UBR1: variants seen among roughly 807,000 people sequenced by gnomAD.
UBR1 encodes E3 ubiquitin-protein ligase UBR1.
A neutral mutation model predicts 242.1 loss-of-function variants in UBR1; 102 were observed. That is an observed-to-expected ratio of 0.42 (90% CI 0.36 to 0.50). The LOEUF (loss-of-function observed/expected upper bound fraction) is 0.50, where lower values mean the gene tolerates loss of function less well. Among genes scored for constraint, UBR1 ranks in the 20% least tolerant of loss-of-function variants. UBR1 has a pLI of 0.01. For synonymous variants in UBR1, 675 were observed against 684.8 expected (o/e 0.99, Z 0.22); for missense variants, 1,772 against 2,101.8 (o/e 0.84, Z 3.07).
At chr15:43,005,412 T>G (rs59206702) in intron 30 of UBR1, among the ~76,000 whole-genome samples, 420 of 8,304 alleles carry the variant, frequency 0.051, no homozygotes, top group Middle Eastern at 0.083. Flanking sequence ...CGCCCTGTCT[T>G]GGAGGGAGGT....
In UBR1 at chr15:42,980,179, CTT is replaced by C. The variant is rs2032353914; in HGVS notation, c.4151-2234_4151-2233del. On this transcript the variant is annotated intron_variant, in intron 37 of 46. Coordinates refer to ENST00000290650, the MANE Select transcript of UBR1 (RefSeq NM_174916.3). ...TCATCTTTTCAGCCAAAAGAATACT[CTT>C]TGTGTCATCAAATTTTTCTTACAGG... Among the ~76,000 whole-genome samples, 4 of 152,186 alleles carry C rather than the reference CTT, an allele frequency of 2.6e-5. No individual in the cohort carries two copies. In the South Asian group the frequency reaches 6.2e-4, roughly 24 times the overall value.
intron 12 of UBR1, among the ~76,000 whole-genome samples, 165 bp from the exon 13 acceptor site, chr15:43,048,656 T>C (rs759974160): frequency 2.0e-5 from 3 of 152,226 alleles, no homozygotes; most frequent in Admixed American, 6.5e-5. Context: ...TGCCTTATTT[T>C]AAATACAACC....
At chr15:43,065,599 C>A (rs1222776687) in intron 6 of UBR1, among the ~76,000 whole-genome samples, 2 of 152,196 alleles carry the variant, frequency 1.3e-5, no homozygotes, top group Non-Finnish European at 2.9e-5. Flanking sequence ...TAAATGACAG[C>A]ATGCAGTGTT....
intron 30 of UBR1, among the ~76,000 whole-genome samples, chr15:43,006,336 A>G (rs1295403066): frequency 6.6e-6 from 1 of 152,206 alleles, no homozygotes; most frequent in Non-Finnish European, 1.5e-5. Flanking sequence ...TTTTCAATAA[A>G]TGCTAGTCTT....
chr15:42,959,693 CT>C (rs1465561273), intron 43 of UBR1, among the ~76,000 whole-genome samples: 5 of 152,138 alleles, frequency 3.3e-5, no homozygotes, highest in Non-Finnish European at 5.9e-5. Context: ...TTAAACTTTT[CT>C]TTTTTCTCTA....
intron 4 of UBR1, among the ~76,000 whole-genome samples, chr15:43,073,038 A>G (rs1279193036): frequency 6.6e-6 from 1 of 152,056 alleles, no homozygotes; most frequent in East Asian, 1.9e-4. Flanking sequence ...CCATACGCCT[A>G]TAATCTCAGC....
rs2034136380 is a variant in UBR1 at position 43,094,398 on chromosome 15, C to T, written c.82-8158G>A. The stretch of plus-strand genomic sequence containing the variant: ...GAGCTGAGATCGTGCCACCACACTC[C>T]AGCCTGGAAGACAGAGTGAAACTCC... On this transcript the variant is annotated intron_variant, in intron 1 of 46. Coordinates refer to ENST00000290650, the MANE Select transcript of UBR1 (RefSeq NM_174916.3). 2.0e-5 allele frequency among the ~76,000 whole-genome samples: 3 copies of T among 151,820 alleles called. No individual in the cohort carries two copies. In the South Asian group the frequency reaches 6.2e-4, roughly 31 times the overall value.
intron 3 of UBR1, among the ~76,000 whole-genome samples, chr15:43,081,639 AT>A (rs2033976052): frequency 6.6e-6 from 1 of 151,942 alleles, no homozygotes. Context: ...CTATTCAGAT[AT>A]TTTGTCCATT....
intron 6 of UBR1, among the ~76,000 whole-genome samples, chr15:43,061,903 A>G (rs1268822007): frequency 6.6e-6 from 1 of 152,288 alleles, no homozygotes; most frequent in Middle Eastern, 3.4e-3. Flanking sequence ...ACAAATCACC[A>G]TTAAAGAACT....
chr15:43,014,879 G>A (rs1474332585), intron 29 of UBR1, among the ~76,000 whole-genome samples: 6 of 150,202 alleles, frequency 4.0e-5, no homozygotes, highest in Non-Finnish European at 8.9e-5. Context: ...CCAGAGGGAG[G>A]TGGGGGGTCA....
At chr15:42,950,683 C>G in intron 45 of UBR1, 1 of 351,418 alleles carries the variant, frequency 2.8e-6, no homozygotes, top group Non-Finnish European at 5.4e-6. Context: ...GGGGTTGTTT[C>G]TATTCTAATT....
intron 29 of UBR1, among the ~76,000 whole-genome samples, chr15:43,014,772 C>T (rs12901948): frequency 0.13 from 19,259 of 149,432 alleles, 1,269 homozygotes; most frequent in South Asian, 0.23. Flanking sequence ...GCAGCCACCC[C>T]GTCCGGGAGG....
chr15:42,966,365 A>G (rs1239893493), intron 40 of UBR1, 79 bp from the exon 41 acceptor site: 4 of 1,555,280 alleles, frequency 2.6e-6, no homozygotes, highest in East Asian at 2.3e-5. Context: ...CCCCTTTTCA[A>G]ATACAAAGTT....
At chr15:43,016,411 T>C (rs1192836432) in intron 28 of UBR1, among the ~76,000 whole-genome samples, 2 of 152,196 alleles carry the variant, frequency 1.3e-5, no homozygotes, top group African/African-American at 4.8e-5. Context: ...CAAAACCTGA[T>C]TCACTATATT....
chr15:42,947,788 T>C (rs1320162619), intron 46 of UBR1, among the ~76,000 whole-genome samples: 3 of 152,110 alleles, frequency 2.0e-5, no homozygotes, highest in Non-Finnish European at 4.4e-5. Flanking sequence ...TAAAAGAGGA[T>C]ACAAACAAAT....
chr15:42,946,784 TA>T (rs1198328348), intron 46 of UBR1, among the ~76,000 whole-genome samples: 1 of 152,144 alleles, frequency 6.6e-6, no homozygotes, highest in African/African-American at 2.4e-5. Flanking sequence ...CAGGGAAGGA[TA>T]CAGAAAAGTT....
intron 45 of UBR1, 152 bp downstream of exon 45, chr15:42,952,126 T>G (rs2031843837): frequency 7.2e-6 from 7 of 965,704 alleles, no homozygotes; most frequent in Admixed American, 1.9e-5. Context: ...TCACAGTATC[T>G]TCTCAAATGC....
rs952000855 is a variant in UBR1 at position 43,058,355 on chromosome 15, T to C, written c.1168A>G (p.Met390Val). Residue 390 changes from methionine (M) to valine (V), a missense_variant, in exon 10 of 47, where the codon ATG becomes GTG. Coordinates refer to ENST00000290650, the MANE Select transcript of UBR1 (RefSeq NM_174916.3). The stretch of plus-strand genomic sequence containing the variant: ...TAAATAATTACCTTCACAAATTCCA[T>C]AGCAAAGAGTTTTTTGTATTCCATC... ...MEMEYKKLFA[M>V]EFVKYYKQLQ... 5 of 1,606,506 alleles carry C rather than the reference T, an allele frequency of 3.1e-6. No homozygotes were observed. The highest frequency in any genetic ancestry group is 1.3e-5 in the African/African-American group (1 of 74,798).
intron 3 of UBR1, among the ~76,000 whole-genome samples, chr15:43,076,269 C>T (rs1469592586): frequency 2.6e-5 from 4 of 152,032 alleles, no homozygotes; most frequent in African/African-American, 7.2e-5. Flanking sequence ...GACGGAGTCT[C>T]GTTCACTCAG....
Sources: allele counts gnomAD v4.1 joint callset (sites outside exome capture counted in the v4.1 genomes callset), GRCh38; gene constraint gnomAD v4.1.1; transcripts MANE v1.5; gene names NCBI Gene and HGNC (gene_info 2026-07-23, HGNC 2026-07-21).